The following SEMA3A variants were observed in gnomAD, a reference collection of about 807,000 sequenced individuals.
The protein encoded by SEMA3A is semaphorin 3A.
SEMA3A carries 29 observed loss-of-function variants against 97.9 expected under a neutral mutation model. The observed-to-expected ratio is 0.30, with a 90% CI of 0.22 to 0.40. The LOEUF is 0.40. Among genes scored for constraint, SEMA3A ranks in the 10% least tolerant of loss-of-function variants. SEMA3A has a pLI of 1.00. For missense variants in SEMA3A, 763 were observed against 951.3 expected (o/e 0.80, Z 2.60); for synonymous variants, 321 against 323.7 (o/e 0.99, Z 0.09).
intron 1 of SEMA3A, among the ~76,000 whole-genome samples, chr7:84,387,471 G>C (rs552980573): frequency 1.3e-5 from 2 of 152,230 alleles, no homozygotes; most frequent in Admixed American, 1.3e-4. Context: ...GAGAAGCACA[G>C]ATTAAATTTA....
At chr7:84,436,553 T>C (rs1333262659) in intron 1 of SEMA3A, among the ~76,000 whole-genome samples, 2 of 152,220 alleles carry the variant, frequency 1.3e-5, no homozygotes, top group Non-Finnish European at 2.9e-5. Flanking sequence ...TCTTTTATTC[T>C]TTGTAAAACA....
intron 6 of SEMA3A, among the ~76,000 whole-genome samples, chr7:84,042,494 G>A (rs1327802761): frequency 5.9e-5 from 9 of 151,998 alleles, no homozygotes; most frequent in Non-Finnish European, 1.0e-4. Flanking sequence ...CACTCACAGA[G>A]TGAGTCAGGC....
intron 1 of SEMA3A, among the ~76,000 whole-genome samples, chr7:84,172,597 AT>A (rs540089418): frequency 1.3e-5 from 2 of 149,344 alleles, no homozygotes; most frequent in Non-Finnish European, 3.0e-5. Flanking sequence ...CATTTTTTGT[AT>A]TTTTTTTTCA....
At chr7:84,038,861 T>G (rs1422140577) in intron 6 of SEMA3A, among the ~76,000 whole-genome samples, 2 of 152,164 alleles carry the variant, frequency 1.3e-5, no homozygotes, top group Admixed American at 1.3e-4. Flanking sequence ...TGTTTATAAT[T>G]TCATTGTTTC....
chr7:84,122,225 A>T (rs1795642021), intron 3 of SEMA3A, among the ~76,000 whole-genome samples: 1 of 152,040 alleles, frequency 6.6e-6, no homozygotes, highest in Non-Finnish European at 1.5e-5. Flanking sequence ...AAACAAATTT[A>T]CAAGAAAAAA....
intron 1 of SEMA3A, among the ~76,000 whole-genome samples, chr7:84,394,169 T>C (rs1047996491): frequency 3.8e-5 from 4 of 104,518 alleles, no homozygotes; most frequent in South Asian, 5.5e-4. Context: ...AGAAATAAAA[T>C]AGGTATGTTG....
At chr7:84,001,809 G>C in intron 12 of SEMA3A, 146 bp downstream of exon 12, 1 of 438,304 alleles carries the variant, frequency 2.3e-6, no homozygotes, top group Non-Finnish European at 4.1e-6. Flanking sequence ...GGTTTATTTT[G>C]ACTAGTGTCT....
chr7:84,260,999 G>T (rs565225425), intron 3 of SEMA3A, among the ~76,000 whole-genome samples: 2 of 152,088 alleles, frequency 1.3e-5, no homozygotes, highest in African/African-American at 2.4e-5. Flanking sequence ...TAATCAACAT[G>T]CATTTCCTCC....
intron 1 of SEMA3A, among the ~76,000 whole-genome samples, chr7:84,390,365 T>TATTATTATA (rs1803509329): frequency 6.9e-6 from 1 of 144,518 alleles, no homozygotes; most frequent in Admixed American, 7.0e-5. Flanking sequence ...TTATTATTAT[T>TATTATTATA]ATAGCAGCTG....
intron 12 of SEMA3A, among the ~76,000 whole-genome samples, chr7:83,996,493 G>A (rs1167109709): frequency 6.6e-6 from 1 of 151,788 alleles, no homozygotes; most frequent in Non-Finnish European, 1.5e-5. Flanking sequence ...AGTAGAGACG[G>A]GGTTTCATTA....
intron 1 of SEMA3A, among the ~76,000 whole-genome samples, chr7:84,432,860 ATTTT>A (rs34970127): frequency 0.027 from 3,768 of 138,928 alleles, 145 homozygotes; most frequent in African/African-American, 0.092. Context: ...ACAAATGTGA[ATTTT>A]TTTTTTTTTT....
intron 1 of SEMA3A, among the ~76,000 whole-genome samples, chr7:84,169,056 C>G (rs1247519638): frequency 2.0e-5 from 3 of 151,654 alleles, no homozygotes; most frequent in Non-Finnish European, 4.4e-5. Flanking sequence ...TATTTTTTAA[C>G]AATCTCACCA....
intron 12 of SEMA3A, among the ~76,000 whole-genome samples, chr7:83,992,643 T>G (rs1254545187): frequency 6.6e-6 from 1 of 151,718 alleles, no homozygotes; most frequent in African/African-American, 2.4e-5. Context: ...GTGAGATTCT[T>G]AATCCTGAGT....
At chr7:84,272,056 A>G (rs962861438) in intron 3 of SEMA3A, among the ~76,000 whole-genome samples, 1 of 152,092 alleles carries the variant, frequency 6.6e-6, no homozygotes, top group Non-Finnish European at 1.5e-5. Flanking sequence ...ATATACTCAG[A>G]GTGTCTAGCG....
intron 6 of SEMA3A, among the ~76,000 whole-genome samples, chr7:84,023,927 G>A (rs1392953783): frequency 6.6e-6 from 1 of 151,418 alleles, no homozygotes; most frequent in Non-Finnish European, 1.5e-5. Context: ...CAGGAGAATA[G>A]CGTGAACCCG....
At chr7:83,986,238 A>G (rs929712719) in intron 12 of SEMA3A, among the ~76,000 whole-genome samples, 11 of 152,154 alleles carry the variant, frequency 7.2e-5, no homozygotes, top group African/African-American at 2.7e-4. Flanking sequence ...AAGGACTACA[A>G]GAGCTCAGGT....
chr7:84,284,258 T>C (rs1483448506), intron 3 of SEMA3A, among the ~76,000 whole-genome samples: 8 of 152,148 alleles, frequency 5.3e-5, no homozygotes, highest in Admixed American at 4.6e-4. Flanking sequence ...TGGCTGACAC[T>C]AGTTGGTAAA....
At chr7:84,447,019 G>A (rs962291112) in intron 1 of SEMA3A, among the ~76,000 whole-genome samples, 1 of 152,188 alleles carries the variant, frequency 6.6e-6, no homozygotes, top group African/African-American at 2.4e-5. Flanking sequence ...TGCAGGCTTG[G>A]AAGTGCTTGC....
chr7:84,062,800 A>G (rs1022338953), intron 4 of SEMA3A, among the ~76,000 whole-genome samples: 6 of 152,134 alleles, frequency 3.9e-5, no homozygotes, highest in Non-Finnish European at 5.9e-5. Flanking sequence ...TTGCTAGCAC[A>G]GCAGTCTGAG....
Sources: gnomAD v4.1 joint callset for allele counts (sites outside exome capture counted in the v4.1 genomes callset) on GRCh38, gnomAD v4.1.1 for gene constraint, MANE v1.5 for transcripts, NCBI Gene and HGNC (gene_info 2026-07-23, HGNC 2026-07-21) for gene names.